CLDN18: variants seen among roughly 807,000 people sequenced by gnomAD.
CLDN18 encodes the protein claudin-18.
A neutral mutation model predicts 25.0 loss-of-function variants in CLDN18; 20 were observed. That is an observed-to-expected ratio of 0.80 (90% CI 0.56 to 1.16). The LOEUF is 1.16. Ranked by LOEUF, CLDN18 falls within the 50% of genes most tolerant of loss-of-function variation. The pLI is 0.00. For synonymous variants in CLDN18, 125 were observed against 135.6 expected (o/e 0.92, Z 0.54); for missense variants, 297 against 345.4 (o/e 0.86, Z 1.11).
intron 1 of CLDN18, chr3:137,999,095 G>C (rs769553022): frequency 3.7e-6 from 6 of 1,613,318 alleles, no homozygotes; most frequent in Non-Finnish European, 5.1e-6. Context: ...CCAGGTAAGG[G>C]CCAGGTGTCT....
upstream of CLDN18, chr3:138,009,948 A>G (rs1488941888): frequency 7.2e-6 from 3 of 416,106 alleles, no homozygotes; most frequent in Non-Finnish European, 1.3e-5. Context: ...CGGAGCAGGG[A>G]GTCCTTCTGC....
upstream of CLDN18, among the ~76,000 whole-genome samples, chr3:138,006,524 C>G (rs61235059): frequency 1.4e-3 from 217 of 152,264 alleles, 2 homozygotes; most frequent in East Asian, 0.036. Context: ...CAAAGTTTAC[C>G]AACCCCATTA....
intron 1 of CLDN18, among the ~76,000 whole-genome samples, chr3:138,012,597 C>T (rs1158730981): frequency 1.3e-5 from 2 of 152,164 alleles, no homozygotes; most frequent in Non-Finnish European, 2.9e-5. Context: ...TCCTCCAAAC[C>T]TCCTCAAGCC....
chr3:138,024,680 C>T lies in CLDN18; in HGVS notation c.459C>T (p.Asn153=). 1 of 1,613,564 alleles carries T rather than the reference C, an allele frequency of 6.2e-7. No individual in the cohort carries two copies. Among genetic ancestry groups the T allele is most frequent in the Non-Finnish European group, 8.5e-7 (1 of 1,179,484 alleles). Residue 153 remains asparagine (N), a synonymous_variant, in exon 3 of 5, where the codon AAC becomes AAT. Coordinates refer to ENST00000183605, the MANE Select transcript of CLDN18 (RefSeq NM_016369.4). ...CTAACTTCTGGATGTCCACAGCTAACATGTACACCGGCATGGGTGGGATGG... is the reference window on the plus strand; with the variant it reads ...CTAACTTCTGGATGTCCACAGCTAATATGTACACCGGCATGGGTGGGATGG... ...LVTNFWMSTA[N]MYTGMGGMVQ...
intron 1 of CLDN18, among the ~76,000 whole-genome samples, chr3:138,022,938 G>A (rs1942286806): frequency 6.6e-6 from 1 of 152,194 alleles, no homozygotes; most frequent in African/African-American, 2.4e-5. Flanking sequence ...GATATATCTG[G>A]AGGTGAAGGC....
At chr3:138,001,369 T>A (rs914092765) in intron 1 of CLDN18, among the ~76,000 whole-genome samples, 3 of 117,416 alleles carry the variant, frequency 2.6e-5, no homozygotes, top group Non-Finnish European at 5.1e-5. Flanking sequence ...GCTGTCAATA[T>A]CCCCCCATTC....
intron 2 of CLDN18, 85 bp from the exon 3 acceptor site, chr3:138,024,522 C>A: frequency 1.3e-6 from 1 of 791,134 alleles, no homozygotes; most frequent in Non-Finnish European, 2.2e-6. Context: ...GCCTACTCAT[C>A]TAAACTCATC....
At chr3:138,009,975 G>T (rs1314539681), upstream of CLDN18, 4 of 557,238 alleles carry the variant, frequency 7.2e-6, no homozygotes, top group African/African-American at 1.9e-5. Flanking sequence ...GCACGGCTCT[G>T]CGCTGAACCC....
At chr3:138,002,217 C>T (rs1942026401) in intron 1 of CLDN18, among the ~76,000 whole-genome samples, 1 of 152,128 alleles carries the variant, frequency 6.6e-6, no homozygotes, top group Admixed American at 6.5e-5. Context: ...CAGTGGTCTT[C>T]CTTGTTTAAG....
At chr3:138,009,609 G>T (rs777317455), upstream of CLDN18, among the ~76,000 whole-genome samples, 15 of 152,282 alleles carry the variant, frequency 9.9e-5, no homozygotes, top group Middle Eastern at 0.01. Context: ...AGTATCTGTG[G>T]TTCCAGGCAC....
chr3:138,008,054 A>G (rs747325849), upstream of CLDN18, among the ~76,000 whole-genome samples: 3 of 152,078 alleles, frequency 2.0e-5, no homozygotes, highest in Non-Finnish European at 2.9e-5. Flanking sequence ...CCTCCATTCA[A>G]ATTAGAGGTA....
intron 2 of CLDN18, among the ~76,000 whole-genome samples, chr3:138,024,292 C>A (rs971117011): frequency 6.6e-6 from 1 of 151,938 alleles, no homozygotes; most frequent in South Asian, 2.1e-4. Flanking sequence ...CTTTAGAAAA[C>A]GATTTTAAGG....
At chr3:138,028,280 G>T (rs1164300587) in intron 3 of CLDN18, among the ~76,000 whole-genome samples, 1 of 152,060 alleles carries the variant, frequency 6.6e-6, no homozygotes, top group East Asian at 1.9e-4. Flanking sequence ...GGCCAGGCTG[G>T]TCTCAAACTC....
upstream of CLDN18, among the ~76,000 whole-genome samples, chr3:138,009,785 CAG>C (rs1473043709): frequency 6.6e-6 from 1 of 152,234 alleles, no homozygotes; most frequent in East Asian, 1.9e-4. Flanking sequence ...TGGTTTAAGA[CAG>C]AGCACGGTGG....
In CLDN18 at chr3:138,015,750, A is replaced by C. The variant is rs1942195498; in HGVS notation, c.220+5305A>C. Among the ~76,000 whole-genome samples, 4 of 152,194 alleles carry C rather than the reference A, an allele frequency of 2.6e-5. No homozygotes were observed. In the South Asian group the frequency reaches 8.3e-4, roughly 31 times the overall value. The stretch of plus-strand genomic sequence containing the variant: ...CCTCAAAATATATACATAAATAAAT[A>C]ATTATAATAATCATTGCCAGTTATT... On this transcript the variant is annotated intron_variant, in intron 1 of 4. Transcript: ENST00000183605.
chr3:137,998,940 C>A, exon 1 of CLDN18: 1 of 1,614,274 alleles, frequency 6.2e-7, no homozygotes, highest in Non-Finnish European at 8.5e-7. Context: ...TCATTGCTGC[C>A]ACCTGCATGG....
At chr3:138,026,755 G>C (rs908632882) in intron 3 of CLDN18, among the ~76,000 whole-genome samples, 1 of 152,226 alleles carries the variant, frequency 6.6e-6, no homozygotes, top group Non-Finnish European at 1.5e-5. Flanking sequence ...GAGATGGTTA[G>C]TGGGTGAAGG....
rs1435958412 is a variant in CLDN18, at chr3:138,024,872, C to T, written c.503+148C>T. 3 of 576,016 alleles carry T rather than the reference C, an allele frequency of 5.2e-6. No individual in the cohort carries two copies. The East Asian group carries it at 8.5e-5, about 16-fold the overall frequency. 35.7% of individuals were successfully genotyped at this position (576,016 alleles called of 1,614,324 possible). On this transcript the variant is annotated intron_variant, in intron 3 of 4. Transcript: ENST00000183605. ...ATGCCATATCATAAATCAACAATCA[C>T]CTGTAAATTCATAAACTTCATTTCA...
At chr3:138,029,986 A>T (rs1464990948) in intron 4 of CLDN18, 79 bp downstream of exon 4, 3 of 885,430 alleles carry the variant, frequency 3.4e-6, no homozygotes, top group Non-Finnish European at 1.8e-6. Flanking sequence ...CAGCCAAAAA[A>T]AAAATCAGTC....
Sources: gnomAD v4.1 joint callset for allele counts (sites outside exome capture counted in the v4.1 genomes callset) on GRCh38, gnomAD v4.1.1 for gene constraint, MANE v1.5 for transcripts, NCBI Gene and HGNC (gene_info 2026-07-23, HGNC 2026-07-21) for gene names.